The following LCORL variants were observed in gnomAD, a reference collection of about 807,000 sequenced individuals.
The protein encoded by LCORL is ligand dependent nuclear receptor corepressor like, also known as ligand-dependent nuclear receptor corepressor-like protein.
In LCORL, 41 loss-of-function variants were observed where a neutral mutation model predicts 141.8. That is an observed-to-expected ratio of 0.29 (90% confidence interval 0.23 to 0.38). LCORL has a LOEUF of 0.38. Among genes scored for constraint, LCORL ranks in the 10% least tolerant of loss-of-function variants. The pLI is 1.00. For missense variants in LCORL, 1,759 were observed against 2,035.0 expected (o/e 0.86, Z 2.61); for synonymous variants, 618 against 694.1 (o/e 0.89, Z 1.72).
intron 4 of LCORL, among the ~76,000 whole-genome samples, chr4:17,952,422 T>C (rs905271560): frequency 2.6e-5 from 4 of 151,556 alleles, no homozygotes. Context: ...CAATTTTTTT[T>C]TTTTTTTTTT....
chr4:17,903,200 G>A (rs1351063235), intron 5 of LCORL, among the ~76,000 whole-genome samples: 1 of 151,910 alleles, frequency 6.6e-6, no homozygotes, highest in African/African-American at 2.4e-5. Context: ...ACACAAAAGT[G>A]AAAAAAGACA....
chr4:18,003,586 T>C (rs1722324813), intron 1 of LCORL, among the ~76,000 whole-genome samples: 1 of 152,178 alleles, frequency 6.6e-6, no homozygotes, highest in Admixed American at 6.5e-5. Flanking sequence ...CAAAATATCC[T>C]AATATTAGAA....
chr4:17,874,928 G>A (rs11728692), exon 7 of LCORL: 35,999 of 1,233,530 alleles, frequency 0.029, 661 homozygotes, highest in Non-Finnish European at 0.032. Flanking sequence ...GGAGCAGAGC[G>A]TTTCTATAAA....
intron 7 of LCORL, among the ~76,000 whole-genome samples, chr4:17,869,013 G>A (rs1012827426): frequency 2.7e-5 from 4 of 148,936 alleles, no homozygotes; most frequent in Admixed American, 6.7e-5. Flanking sequence ...ACAAATTACC[G>A]ATTTGCCTTC....
chr4:17,962,178 A>G (rs1713944257), intron 3 of LCORL, 146 bp from the exon 4 acceptor site: 3 of 452,288 alleles, frequency 6.6e-6, no homozygotes, highest in Non-Finnish European at 1.1e-5. Context: ...GGAACATAAA[A>G]TTCAGAATGA....
chr4:17,999,967 A>G (rs1721650584), intron 1 of LCORL, among the ~76,000 whole-genome samples: 1 of 152,214 alleles, frequency 6.6e-6, no homozygotes, highest in Non-Finnish European at 1.5e-5. Flanking sequence ...GCTGTGGGGT[A>G]GAATGAGTGT....
chr4:17,942,408 G>T (rs888974171), intron 4 of LCORL, among the ~76,000 whole-genome samples: 1 of 152,016 alleles, frequency 6.6e-6, no homozygotes, highest in African/African-American at 2.4e-5. Flanking sequence ...TCATACTATT[G>T]CTCTATTTTA....
chr4:17,877,222 G>A lies in LCORL; in HGVS notation c.1768C>T (p.Gln590Ter). 8.1e-7 allele frequency: 1 copy of A among 1,229,970 alleles called. No homozygotes were observed. Among genetic ancestry groups the A allele is most frequent in the Non-Finnish European group, 1.0e-6 (1 of 986,436 alleles). 76.2% of individuals were successfully genotyped at this position (1,229,970 alleles called of 1,614,324 possible). The change falls in exon 7 of 8, where the codon CAA becomes TAA. Residue 590 changes from glutamine to a stop codon, truncating the protein, a stop_gained. Coordinates refer to ENST00000635767, the Ensembl canonical transcript of LCORL. LOFTEE classifies it high-confidence loss of function. The stretch of plus-strand genomic sequence containing the variant: ...TTATTTTCTACCTTTTTATCATGTT[G>A]ACTCAATAATTCCATAAAACTATAA...
chr4:17,974,558 A>T (rs1190588676), intron 1 of LCORL, among the ~76,000 whole-genome samples: 1 of 152,160 alleles, frequency 6.6e-6, no homozygotes, highest in South Asian at 2.1e-4. Context: ...CCTTCTGAGT[A>T]ATCACCTGGA....
At chr4:17,930,861 A>C (rs1468678477) in intron 4 of LCORL, among the ~76,000 whole-genome samples, 5 of 152,230 alleles carry the variant, frequency 3.3e-5, no homozygotes, top group Admixed American at 2.6e-4. Context: ...AAGTAATTTG[A>C]AAACTGTCTT....
chr4:17,907,243 T>C (rs927503576), intron 5 of LCORL, among the ~76,000 whole-genome samples: 6 of 152,320 alleles, frequency 3.9e-5, no homozygotes, highest in African/African-American at 1.4e-4. Flanking sequence ...CTAAGGCTTC[T>C]TCTGTGGTGA....
At chr4:17,960,394 G>C (rs1246510803) in intron 4 of LCORL, 1 of 154,178 alleles carries the variant, frequency 6.5e-6, no homozygotes, top group Non-Finnish European at 1.5e-5. Flanking sequence ...AAAATTAAAG[G>C]CTATTATTAT....
intron 1 of LCORL, among the ~76,000 whole-genome samples, chr4:17,973,285 T>C (rs1716324389): frequency 6.6e-6 from 1 of 151,802 alleles, no homozygotes; most frequent in Non-Finnish European, 1.5e-5. Context: ...TTAACATCAA[T>C]TACAAGAATG....
chr4:17,903,243 A>C (rs1731141101), intron 5 of LCORL, among the ~76,000 whole-genome samples: 1 of 152,080 alleles, frequency 6.6e-6, no homozygotes. Context: ...ATAAACATGC[A>C]AACAATTACA....
chr4:17,990,205 T>C (rs570490535), intron 1 of LCORL, among the ~76,000 whole-genome samples: 161 of 151,120 alleles, frequency 1.1e-3, no homozygotes, highest in Non-Finnish European at 1.3e-3. Flanking sequence ...TTCACGCCAT[T>C]CTCCTGCCTC....
chr4:17,909,332 G>T, exon 5 of LCORL: 1 of 1,597,740 alleles, frequency 6.3e-7, no homozygotes, highest in Non-Finnish European at 8.5e-7. Context: ...TAGGATCACA[G>T]TTCTGAGGAA....
At position 17,861,122 on chromosome 4, in the gene LCORL, C is replaced by T. The variant is rs925559632; in HGVS notation, c.5602+12266G>A. 2.0e-5 allele frequency among the ~76,000 whole-genome samples: 3 copies of T among 152,320 alleles called. No individual in the cohort carries two copies. In the South Asian group the frequency reaches 6.2e-4, roughly 32 times the overall value. ...TTCTCACAGTTCCGCTAGGCAGTGC[C>T]CCAGTAGGGACTCTGTGTGGGGGCT... On this transcript the variant is annotated intron_variant, in intron 7 of 7. Coordinates refer to ENST00000635767, the Ensembl canonical transcript of LCORL.
At chr4:18,006,069 C>A (rs1722755916) in intron 1 of LCORL, among the ~76,000 whole-genome samples, 1 of 152,182 alleles carries the variant, frequency 6.6e-6, no homozygotes. Flanking sequence ...AAACCAAATG[C>A]CTTTAATGGC....
exon 8 of LCORL, chr4:17,843,528 T>G: frequency 7.3e-7 from 1 of 1,362,090 alleles, no homozygotes; most frequent in Non-Finnish European, 1.0e-6. Context: ...GATGTCTTTC[T>G]GAAGATTTTC....
Sources: allele counts gnomAD v4.1 joint callset (sites outside exome capture counted in the v4.1 genomes callset), GRCh38; gene constraint gnomAD v4.1.1; transcripts MANE v1.5; gene names NCBI Gene and HGNC (gene_info 2026-07-23, HGNC 2026-07-21).